Variants in GTF2H5 observed in about 807,000 individuals in gnomAD.
The protein encoded by GTF2H5 is general transcription factor IIH subunit 5.
GTF2H5 carries 5 observed loss-of-function variants against 7.1 expected under a neutral mutation model. That is an observed-to-expected ratio of 0.71 (90% confidence interval 0.37 to 1.49). The LOEUF is 1.49. Ranked by LOEUF, GTF2H5 falls within the 40% of genes most tolerant of loss-of-function variation. The pLI, the probability that GTF2H5 is intolerant of heterozygous loss-of-function variation, is 0.03. For missense variants in GTF2H5, 80 were observed against 83.0 expected, an observed-to-expected ratio of 0.96 and a Z score of 0.14; for synonymous variants, 30 against 31.7, an observed-to-expected ratio of 0.95 and a Z score of 0.18.
intron 2 of GTF2H5, among the ~76,000 whole-genome samples, chr6:158,187,837 A>G (rs994808498): frequency 2.6e-5 from 4 of 152,114 alleles, no homozygotes; most frequent in Non-Finnish European, 5.9e-5. Context: ...AAGTGCTGGG[A>G]TTACAGGCGT....
intron 2 of GTF2H5, chr6:158,190,757 C>A: frequency 2.6e-6 from 1 of 381,684 alleles, no homozygotes; most frequent in Non-Finnish European, 5.2e-6. Flanking sequence ...TGACATTTCT[C>A]AAGACACCAA....
rs1200245873 is a variant in GTF2H5 at position 158,192,454 on chromosome 6, AG to A, written c.*299del. ...TTTTAATACCATGTCAGTGTAACAT[AG>A]GTATTTATTTTGCTCATCCCTGTGA... On this transcript the variant is annotated 3_prime_UTR_variant, in exon 3 of 3. Transcript: ENST00000607778. 2 of 358,426 alleles carry A rather than the reference AG, an allele frequency of 5.6e-6. No individual in the cohort carries two copies. Among genetic ancestry groups the A allele is most frequent in the Non-Finnish European group, 1.1e-5 (2 of 189,744 alleles). The allele number at this position is 358,426 out of a possible 1,614,324, so 22.2% of individuals were successfully genotyped here.
rs191336464 is a variant in GTF2H5 at position 158,187,669 on chromosome 6, G to A, written c.36-4308G>A. Among the ~76,000 whole-genome samples, 8 of 152,268 alleles carry A rather than the reference G, an allele frequency of 5.3e-5. No homozygotes were observed. The East Asian group carries it at 1.5e-3, about 29-fold the overall frequency. ...TGCAAGCTCCGCCTCCCAGGTTCAT[G>A]CCATTCTCCTGCCTCAGCCTCCCGA... On this transcript the variant is annotated intron_variant, in intron 2 of 2. Transcript: ENST00000607778.
chr6:158,176,642 C>T (rs1268376755), intron 2 of GTF2H5, among the ~76,000 whole-genome samples: 1 of 151,958 alleles, frequency 6.6e-6, no homozygotes, highest in African/African-American at 2.4e-5. Context: ...TCTGGGAGAC[C>T]CTAACCCAGC....
intron 2 of GTF2H5, among the ~76,000 whole-genome samples, chr6:158,171,310 A>G (rs6931734): frequency 0.37 from 57,021 of 152,124 alleles, 11,957 homozygotes; most frequent in African/African-American, 0.55. Context: ...CTTTGAACAC[A>G]TACTAAGTCT....
At chr6:158,172,410 T>G (rs1180113233) in intron 2 of GTF2H5, among the ~76,000 whole-genome samples, 1 of 151,944 alleles carries the variant, frequency 6.6e-6, no homozygotes, top group Non-Finnish European at 1.5e-5. Context: ...TACTGCTGCC[T>G]CAGCTGCCCG....
intron 2 of GTF2H5, among the ~76,000 whole-genome samples, chr6:158,187,110 T>G (rs769749934): frequency 2.0e-5 from 3 of 152,060 alleles, no homozygotes; most frequent in Non-Finnish European, 4.4e-5. Flanking sequence ...TTCTCCTTCC[T>G]CAGCCTCCTG....
At chr6:158,173,387 G>C (rs1379581859) in intron 2 of GTF2H5, among the ~76,000 whole-genome samples, 2 of 152,186 alleles carry the variant, frequency 1.3e-5, no homozygotes, top group African/African-American at 2.4e-5. Flanking sequence ...GAAAGGGTAT[G>C]GCCAGTGCTA....
At chr6:158,184,431 A>T (rs960558582) in intron 2 of GTF2H5, among the ~76,000 whole-genome samples, 3 of 152,092 alleles carry the variant, frequency 2.0e-5, no homozygotes, top group Non-Finnish European at 4.4e-5. Context: ...TGTCTTTGTA[A>T]CAGTAAAACC....
rs371231184 is a variant in GTF2H5, at chr6:158,169,656, TATA to T, written c.-34-810_-34-808del. Among the ~76,000 whole-genome samples the T allele has an allele frequency of 3.8e-3, 348 of 91,996 alleles. 54 individuals are homozygous for T. Among genetic ancestry groups the T allele is most frequent in the Non-Finnish European group, 4.8e-3 (259 of 53,914 alleles). The allele number at this position is 91,996 out of a possible 152,430, so 60.4% of individuals were successfully genotyped here. ...TATATTACATATATTGTATATTACA[TATA>T]ATATATTGTATATTATATAATATAT... On this transcript the variant is annotated intron_variant, in intron 1 of 2. Transcript: ENST00000607778.
At chr6:158,169,672 T>TTGTATATTA (rs1562469058) in intron 1 of GTF2H5, among the ~76,000 whole-genome samples, 2 of 51,194 alleles carry the variant, frequency 3.9e-5, no homozygotes, top group African/African-American at 9.3e-5. Flanking sequence ...ATATTGTATA[T>TTGTATATTA]TATATAATAT....
chr6:158,192,328 G>C lies in GTF2H5; in HGVS notation c.*171G>C, dbSNP rs771490314. 1.8e-6 allele frequency: 1 copy of C among 544,604 alleles called. No individual in the cohort carries two copies. Among genetic ancestry groups the C allele is most frequent in the Non-Finnish European group, 3.2e-6 (1 of 308,954 alleles). 33.7% of individuals were successfully genotyped at this position (544,604 alleles called of 1,614,324 possible). A position where few individuals can be genotyped will look rare whatever the true frequency, so the allele number is the denominator to read the frequency against. Reference sequence around the variant, plus strand: ...GAAAAAAAGCCCCTGAACTGATTTTGTTACCATAGAATTTAAAAAAAAAAA... The same window carrying C: ...GAAAAAAAGCCCCTGAACTGATTTTCTTACCATAGAATTTAAAAAAAAAAA... On this transcript the variant is annotated 3_prime_UTR_variant, in exon 3 of 3. Coordinates refer to ENST00000607778, the MANE Select transcript of GTF2H5 (RefSeq NM_207118.3).
At chr6:158,174,591 G>C (rs1696980698) in intron 2 of GTF2H5, among the ~76,000 whole-genome samples, 2 of 152,156 alleles carry the variant, frequency 1.3e-5, no homozygotes, top group Admixed American at 6.6e-5. Flanking sequence ...CAATTGCCAG[G>C]CTCACACTAA....
intron 2 of GTF2H5, among the ~76,000 whole-genome samples, chr6:158,174,445 A>C (rs534510216): frequency 1.3e-5 from 2 of 152,340 alleles, no homozygotes; most frequent in Non-Finnish European, 2.9e-5. Flanking sequence ...GGGCACTTGG[A>C]TATAATCTTA....
At position 158,194,531 on chromosome 6, in the gene GTF2H5, C is replaced by CACAA. The variant is rs1777078781; in HGVS notation, c.*2377_*2380dup. 1 of 152,240 alleles carries CACAA rather than the reference C, an allele frequency of 6.6e-6. No homozygotes were observed. Among genetic ancestry groups the CACAA allele is most frequent in the Non-Finnish European group, 1.5e-5 (1 of 68,052 alleles). 9.4% of individuals were successfully genotyped at this position (152,240 alleles called of 1,614,324 possible). ...TGTCAGGTGTGGGGGCTCTGCCAGA[C>CACAA]ACAAACTCAAGGCTTTATGGTGTAT... is the stretch of plus-strand genomic sequence containing the variant. On this transcript the variant is annotated 3_prime_UTR_variant, in exon 3 of 3. Transcript: ENST00000607778.
At chr6:158,170,954 T>C (rs1331714167) in intron 2 of GTF2H5, among the ~76,000 whole-genome samples, 2 of 152,288 alleles carry the variant, frequency 1.3e-5, no homozygotes, top group Non-Finnish European at 2.9e-5. Flanking sequence ...CTAAAAACCA[T>C]AAATGGGCAG....
chr6:158,170,530 T>C lies in GTF2H5; in HGVS notation c.27T>C (p.Leu9=). MVNVLKGV[L]IECDPAMKQF... ...TGGTCAACGTCTTGAAAGGAGTGCTTATAGAATGGTTAGTAGTTTTGATAC... is the reference window on the plus strand; with the variant it reads ...TGGTCAACGTCTTGAAAGGAGTGCTCATAGAATGGTTAGTAGTTTTGATAC... The change falls in exon 2 of 3, where the codon CTT becomes CTC. Residue 9 remains leucine, a synonymous_variant. Coordinates refer to ENST00000607778, the MANE Select transcript of GTF2H5 (RefSeq NM_207118.3). 1 of 1,607,546 alleles carries C rather than the reference T, an allele frequency of 6.2e-7. No individual in the cohort carries two copies. The highest frequency in any genetic ancestry group is 8.5e-7 in the Non-Finnish European group (1 of 1,173,950).
At chr6:158,168,545 C>G (rs1449264527) in intron 1 of GTF2H5, 150 bp downstream of exon 1, 1 of 152,442 alleles carries the variant, frequency 6.6e-6, no homozygotes, top group African/African-American at 2.4e-5. Flanking sequence ...TCTCCGGGCC[C>G]TTCCTGGCGG....
In GTF2H5 at chr6:158,196,934, C is replaced by T. The variant is rs571889567; in HGVS notation, c.*4777C>T. On this transcript the variant is annotated 3_prime_UTR_variant, in exon 3 of 3. Transcript: ENST00000607778. ...AACACAATATGCTCCTCAGTTGGTT[C>T]AGCTTTTATAAATCTGACTGAAAAA... 2.8e-4 allele frequency: 43 copies of T among 152,158 alleles called. No individual in the cohort carries two copies. The highest frequency in any genetic ancestry group is 2.0e-3 in the Admixed American group (31 of 15,294). The allele number at this position is 152,158 out of a possible 1,614,324, so 9.4% of individuals were successfully genotyped here.
Sources: allele counts gnomAD v4.1 joint callset (sites outside exome capture counted in the v4.1 genomes callset), GRCh38; gene constraint gnomAD v4.1.1; transcripts MANE v1.5; gene names NCBI Gene and HGNC (gene_info 2026-07-23, HGNC 2026-07-21).